The following NRG4 variants were observed in gnomAD, a reference collection of about 807,000 sequenced individuals.
NRG4 encodes pro-neuregulin-4, membrane-bound isoform.
A neutral mutation model predicts 15.0 loss-of-function variants in NRG4; 10 were observed. The ratio of observed to expected loss-of-function variants is 0.67; its 90% CI spans 0.41 to 1.13. The LOEUF (loss-of-function observed/expected upper bound fraction) is 1.13, where lower values mean the gene tolerates loss of function less well. Ranked by LOEUF, NRG4 falls within the 50% of genes most tolerant of loss-of-function variation. The probability of loss-of-function intolerance (pLI) is 0.00; values close to 1 mark genes in which losing one functional copy is unlikely to be tolerated. For synonymous variants in NRG4, 41 were observed against 50.1 expected, an observed-to-expected ratio of 0.82 and a Z score of 0.77; for missense variants, 139 against 140.2, an observed-to-expected ratio of 0.99 and a Z score of 0.04.
At chr15:76,051,361 G>T (rs1000654751) in intron 4 of NRG4, among the ~76,000 whole-genome samples, 1 of 149,802 alleles carries the variant, frequency 6.7e-6, no homozygotes, top group African/African-American at 2.5e-5. Context: ...GGCTGGTCTG[G>T]AACACCTATG....
chr15:75,997,462 C>T (rs946549068), intron 3 of NRG4, among the ~76,000 whole-genome samples: 1 of 151,688 alleles, frequency 6.6e-6, no homozygotes, highest in Non-Finnish European at 1.5e-5. Flanking sequence ...ATGATATATA[C>T]TAGATGTAGA....
At chr15:76,039,325 A>G (rs376326273) in intron 4 of NRG4, among the ~76,000 whole-genome samples, 1 of 152,206 alleles carries the variant, frequency 6.6e-6, no homozygotes, top group Admixed American at 6.5e-5. Flanking sequence ...TCAGACAGAG[A>G]ATTCAAAATT....
chr15:75,995,549 A>C (rs1449634251), intron 3 of NRG4, among the ~76,000 whole-genome samples: 1 of 152,062 alleles, frequency 6.6e-6, no homozygotes, highest in Non-Finnish European at 1.5e-5. Context: ...ATACTTCAAC[A>C]TGAGATTTGG....
chr15:75,973,682 T>C (rs1283320685), intron 3 of NRG4, among the ~76,000 whole-genome samples: 2 of 152,212 alleles, frequency 1.3e-5, no homozygotes, highest in Non-Finnish European at 2.9e-5. Flanking sequence ...TTGATTTGCA[T>C]ATGTTAAACC....
At chr15:76,016,576 G>A (rs961823787), upstream of NRG4, among the ~76,000 whole-genome samples, 5 of 152,220 alleles carry the variant, frequency 3.3e-5, no homozygotes, top group African/African-American at 1.2e-4. Context: ...CTTTATTTCT[G>A]CCTTAATTTC....
chr15:75,959,555 G>T (rs1442126171), intron 4 of NRG4, among the ~76,000 whole-genome samples: 2 of 152,052 alleles, frequency 1.3e-5, no homozygotes, highest in Non-Finnish European at 2.9e-5. Context: ...GAGTGCAGTG[G>T]CATAATCACA....
At chr15:75,943,717 C>G in intron 5 of NRG4, 63 bp from the exon 6 acceptor site, 1 of 1,007,956 alleles carries the variant, frequency 9.9e-7, no homozygotes, top group Non-Finnish European at 1.6e-6. Context: ...CTACGCACAC[C>G]TATCTACATG....
intron 5 of NRG4, among the ~76,000 whole-genome samples, chr15:76,018,712 G>A (rs141726149): frequency 0.01 from 1,550 of 152,346 alleles, 14 homozygotes; most frequent in Middle Eastern, 0.041. Flanking sequence ...CTTTGTCCCA[G>A]AGGGGCATCC....
chr15:75,946,389 G>A (rs938127835), intron 5 of NRG4, among the ~76,000 whole-genome samples: 2 of 152,188 alleles, frequency 1.3e-5, no homozygotes, highest in African/African-American at 4.8e-5. Context: ...ACGAGGTCTC[G>A]CTCTGTCGCC....
chr15:76,010,424 T>A (rs147694825), intron 2 of NRG4, among the ~76,000 whole-genome samples: 1 of 152,118 alleles, frequency 6.6e-6, no homozygotes, highest in East Asian at 1.9e-4. Flanking sequence ...CACTAAGATA[T>A]CAATACTTGC....
chr15:75,954,269 T>G (rs1005496890), intron 5 of NRG4, among the ~76,000 whole-genome samples: 8 of 151,588 alleles, frequency 5.3e-5, no homozygotes, highest in African/African-American at 4.8e-5. Flanking sequence ...TTTTTTGTTT[T>G]TTTTTTTTTG....
intron 4 of NRG4, among the ~76,000 whole-genome samples, chr15:76,051,860 C>T (rs922696667): frequency 1.3e-5 from 2 of 150,858 alleles, no homozygotes; most frequent in East Asian, 1.9e-4. Flanking sequence ...CGTGAGCCAC[C>T]GTGCCCAGCC....
chr15:75,988,276 C>A (rs1468752458), intron 3 of NRG4, among the ~76,000 whole-genome samples: 1 of 152,166 alleles, frequency 6.6e-6, no homozygotes, highest in Non-Finnish European at 1.5e-5. Flanking sequence ...ACCTCCACCT[C>A]CCGGGTTCAA....
intron 5 of NRG4, among the ~76,000 whole-genome samples, chr15:75,953,880 T>C (rs748684471): frequency 1.9e-4 from 29 of 152,170 alleles, no homozygotes; most frequent in Non-Finnish European, 3.4e-4. Flanking sequence ...AGAGATGAGG[T>C]CTCACTATGT....
At chr15:75,955,316 C>G (rs909622851) in intron 5 of NRG4, among the ~76,000 whole-genome samples, 4 of 152,140 alleles carry the variant, frequency 2.6e-5, no homozygotes, top group African/African-American at 7.2e-5. Flanking sequence ...TGCACAAAAG[C>G]CTGGAAATTC....
chr15:76,012,965 A>T (rs896293282), upstream of NRG4, among the ~76,000 whole-genome samples: 15 of 152,224 alleles, frequency 9.9e-5, no homozygotes, highest in African/African-American at 3.4e-4. Flanking sequence ...GTTGTTAAAT[A>T]TACAGTGAGG....
intron 5 of NRG4, among the ~76,000 whole-genome samples, chr15:75,950,245 T>A (rs2031797904): frequency 2.0e-5 from 3 of 152,238 alleles, no homozygotes; most frequent in Admixed American, 2.0e-4. Context: ...AATAATTTTT[T>A]TAAATTTCCA....
upstream of NRG4, among the ~76,000 whole-genome samples, chr15:76,016,260 AT>A (rs1411313146): frequency 6.6e-6 from 1 of 151,436 alleles, no homozygotes; most frequent in Non-Finnish European, 1.5e-5. Context: ...CTAGCAGTCT[AT>A]TTTATTGATC....
Position 76,030,675 on chromosome 15 carries a change from T to C in NRG4, c.-57+5269A>G, listed in dbSNP as rs146334957. On this transcript the variant is annotated intron_variant, in intron 5 of 8. Coordinates refer to the NRG4 transcript ENST00000563910. ...GGGGAAAGACTTTAGGACACTGGTC[T>C]GGGAAAAGATTTTATGAATAACACC... is the stretch of plus-strand genomic sequence containing the variant. Among the ~76,000 whole-genome samples the C allele has an allele frequency of 2.6e-3, 399 of 152,336 alleles. 1 individual carries two copies. The highest frequency in any genetic ancestry group is 8.4e-3 in the African/African-American group (348 of 41,578).
Sources: gnomAD v4.1 joint callset for allele counts (sites outside exome capture counted in the v4.1 genomes callset) on GRCh38, gnomAD v4.1.1 for gene constraint, MANE v1.5 for transcripts, NCBI Gene and HGNC (gene_info 2026-07-23, HGNC 2026-07-21) for gene names.